Variants in CHST11 observed in about 807,000 individuals in gnomAD.
CHST11 encodes carbohydrate sulfotransferase 11, also known as C4S-1.
CHST11 carries 9 observed loss-of-function variants against 30.4 expected under a neutral mutation model. That is an observed-to-expected ratio of 0.30 (90% CI 0.18 to 0.52). The LOEUF (loss-of-function observed/expected upper bound fraction) is 0.52. CHST11 is among the 20% of genes least tolerant of loss of function. The pLI is 0.97. For synonymous variants in CHST11, 152 were observed against 187.8 expected (o/e 0.81, Z 1.56); for missense variants, 348 against 460.6 (o/e 0.76, Z 2.24).
chr12:104,522,989 G>A (rs569924836), intron 1 of CHST11, among the ~76,000 whole-genome samples: 1 of 152,272 alleles, frequency 6.6e-6, no homozygotes, highest in Non-Finnish European at 1.5e-5. Context: ...GGGATAGGTG[G>A]GGTAGGAAAG....
intron 2 of CHST11, among the ~76,000 whole-genome samples, chr12:104,756,529 T>TC (rs1566067146): frequency 2.1e-5 from 1 of 48,768 alleles, no homozygotes. Flanking sequence ...TGGATCCATG[T>TC]GGGGTGTGTG....
intron 1 of CHST11, among the ~76,000 whole-genome samples, chr12:104,491,463 C>T (rs1204369901): frequency 3.3e-5 from 5 of 151,424 alleles, no homozygotes; most frequent in African/African-American, 1.2e-4. Flanking sequence ...TCTTCTTCTT[C>T]TTTTCTTTTC....
At chr12:104,531,482 AG>A (rs397850420) in intron 1 of CHST11, among the ~76,000 whole-genome samples, 60,463 of 135,478 alleles carry the variant, frequency 0.45, 13,382 homozygotes, top group Middle Eastern at 0.62. Flanking sequence ...AAAAAAAAAG[AG>A]AGAGAGAGAG....
intron 2 of CHST11, among the ~76,000 whole-genome samples, chr12:104,685,255 G>A (rs1297156686): frequency 6.6e-6 from 1 of 152,180 alleles, no homozygotes; most frequent in Non-Finnish European, 1.5e-5. Context: ...GCTGAGGTGC[G>A]ATGTTACTGC....
chr12:104,563,799 G>A (rs2038535966), intron 1 of CHST11, among the ~76,000 whole-genome samples: 1 of 152,024 alleles, frequency 6.6e-6, no homozygotes, highest in Non-Finnish European at 1.5e-5. Flanking sequence ...GCACATGTAA[G>A]GGGCTTTCTG....
chr12:104,457,147 G>A lies in CHST11; in HGVS notation c.-265G>A. 3.5e-6 allele frequency: 1 copy of A among 284,510 alleles called. No individual in the cohort carries two copies. Among genetic ancestry groups the A allele is most frequent in the Non-Finnish European group, 6.5e-6 (1 of 153,540 alleles). The allele number at this position is 284,510 out of a possible 1,614,324, so 17.6% of individuals were successfully genotyped here. A position where few individuals can be genotyped will look rare whatever the true frequency, so the allele number is the denominator to read the frequency against. On this transcript the variant is annotated 5_prime_UTR_variant, in exon 1 of 3. Coordinates refer to ENST00000303694, the MANE Select transcript of CHST11 (RefSeq NM_018413.6). ...GGCCGCCGGCGGGATCGGAGGAGGC[G>A]GCGGAGCGGCGAGGAGGAGGAGCAG...
At chr12:104,756,060 G>A (rs2040472333) in intron 2 of CHST11, among the ~76,000 whole-genome samples, 1 of 152,220 alleles carries the variant, frequency 6.6e-6, no homozygotes, top group Non-Finnish European at 1.5e-5. Context: ...CACCTCATCT[G>A]TAGCTCCAGA....
chr12:104,719,669 C>A (rs12581753), intron 2 of CHST11, among the ~76,000 whole-genome samples: 6,124 of 152,318 alleles, frequency 0.04, 166 homozygotes, highest in East Asian at 0.15. Context: ...GTTATAAACA[C>A]CCCCTCTTAG....
chr12:104,750,166 TAAAGG>T (rs1239061238), intron 2 of CHST11, among the ~76,000 whole-genome samples: 1 of 151,796 alleles, frequency 6.6e-6, no homozygotes, highest in Admixed American at 6.6e-5. Flanking sequence ...TTTTACCAAG[TAAAGG>T]TCAAATGAGA....
chr12:104,618,200 C>T (rs1286134891), intron 2 of CHST11, among the ~76,000 whole-genome samples: 2 of 150,888 alleles, frequency 1.3e-5, no homozygotes, highest in Non-Finnish European at 1.5e-5. Context: ...AGCCACTGTG[C>T]CTGGCTTCTT....
intron 1 of CHST11, among the ~76,000 whole-genome samples, chr12:104,476,425 T>C (rs2037563932): frequency 6.6e-6 from 1 of 152,058 alleles, no homozygotes. Context: ...GCTTTTTCCA[T>C]GTAGCACCGA....
At chr12:104,749,395 T>C (rs2040413100) in intron 2 of CHST11, among the ~76,000 whole-genome samples, 1 of 152,244 alleles carries the variant, frequency 6.6e-6, no homozygotes, top group Non-Finnish European at 1.5e-5. Context: ...CATAGAATAT[T>C]TTTTTTCTAT....
intron 2 of CHST11, among the ~76,000 whole-genome samples, 164 bp from the exon 3 acceptor site, chr12:104,756,785 G>A (rs575057190): frequency 6.6e-5 from 10 of 152,210 alleles, no homozygotes; most frequent in Admixed American, 2.0e-4. Context: ...GGCCTCAAGC[G>A]ATCCTCCTGC....
rs1053593903 is a variant in CHST11 at position 104,489,566 on chromosome 12, C to T, written c.118+32037C>T. 2.0e-5 allele frequency among the ~76,000 whole-genome samples: 3 copies of T among 152,192 alleles called. No homozygotes were observed. In the South Asian group the frequency reaches 6.2e-4, roughly 32 times the overall value. ...CGATCTTGGCTCACTGCAACCTCCC[C>T]GTCCTGGGTTCAAGTGATTCTTCTG... On this transcript the variant is annotated intron_variant, in intron 1 of 2. Transcript: ENST00000303694.
intron 2 of CHST11, among the ~76,000 whole-genome samples, chr12:104,638,808 G>A (rs938191732): frequency 3.3e-5 from 5 of 152,158 alleles, no homozygotes; most frequent in Non-Finnish European, 7.4e-5. Context: ...CTTTCATAGG[G>A]TATAACTTTA....
intron 1 of CHST11, among the ~76,000 whole-genome samples, chr12:104,479,171 G>A (rs1011684533): frequency 4.6e-5 from 7 of 151,120 alleles, no homozygotes; most frequent in Admixed American, 4.6e-4. Flanking sequence ...AAAAAAAAGG[G>A]CCCCCCCTTT....
chr12:104,668,731 T>A (rs1464257015), intron 2 of CHST11, among the ~76,000 whole-genome samples: 3 of 152,206 alleles, frequency 2.0e-5, no homozygotes, highest in African/African-American at 7.2e-5. Flanking sequence ...GTATGGGTCA[T>A]GGCGGAAGAG....
At chr12:104,459,814 A>G (rs3751321) in intron 1 of CHST11, among the ~76,000 whole-genome samples, 36,335 of 152,058 alleles carry the variant, frequency 0.24, 6,047 homozygotes, top group African/African-American at 0.48. Flanking sequence ...TTTATTATTT[A>G]GATCTCTATA....
intron 1 of CHST11, among the ~76,000 whole-genome samples, chr12:104,592,009 T>G (rs919794580): frequency 8.0e-5 from 12 of 150,528 alleles, no homozygotes; most frequent in African/African-American, 2.9e-4. Flanking sequence ...GATCACCTTC[T>G]ATCCTGCACG....
Sources: gnomAD v4.1 joint callset for allele counts (sites outside exome capture counted in the v4.1 genomes callset) on GRCh38, gnomAD v4.1.1 for gene constraint, MANE v1.5 for transcripts, NCBI Gene and HGNC (gene_info 2026-07-23, HGNC 2026-07-21) for gene names.